The following TIPIN variants were observed in gnomAD, a reference collection of about 807,000 sequenced individuals.
TIPIN encodes the protein TIMELESS interacting protein.
In TIPIN, 29 loss-of-function variants were observed where a neutral mutation model predicts 35.6. That is an observed-to-expected ratio of 0.82 (90% confidence interval 0.61 to 1.11). The LOEUF (loss-of-function observed/expected upper bound fraction) is 1.11. Ranked by LOEUF, TIPIN falls within the 50% of genes most tolerant of loss-of-function variation. TIPIN has a pLI of 0.00. For synonymous variants in TIPIN, 102 were observed against 121.5 expected, an observed-to-expected ratio of 0.84 and a Z score of 1.06; for missense variants, 296 against 345.4, an observed-to-expected ratio of 0.86 and a Z score of 1.13.
intron 1 of TIPIN, among the ~76,000 whole-genome samples, chr15:66,382,469 G>A (rs577074814): frequency 2.3e-4 from 35 of 152,196 alleles, no homozygotes; most frequent in African/African-American, 7.2e-4. Context: ...CCTTGACTTC[G>A]GCTCAAGCGA....
At chr15:66,354,675 G>A (rs184280997) in intron 1 of TIPIN, among the ~76,000 whole-genome samples, 102 of 152,266 alleles carry the variant, frequency 6.7e-4, no homozygotes, top group Middle Eastern at 3.4e-3. Flanking sequence ...ACTACTCTAT[G>A]CTTTTTCTTT....
At chr15:66,356,215 C>T (rs918901211) in intron 1 of TIPIN, among the ~76,000 whole-genome samples, 1 of 152,132 alleles carries the variant, frequency 6.6e-6, no homozygotes, top group African/African-American at 2.4e-5. Context: ...CGATGTCCCC[C>T]TTGGGTGCCA....
At chr15:66,352,254 G>C in intron 2 of TIPIN, 47 bp from the exon 3 acceptor site, 1 of 1,373,176 alleles carries the variant, frequency 7.3e-7, no homozygotes, top group Non-Finnish European at 1.0e-6. Flanking sequence ...TAAATGATTT[G>C]TATTATTTAT....
intron 1 of TIPIN, among the ~76,000 whole-genome samples, chr15:66,384,905 G>A (rs1595827626): frequency 6.6e-6 from 1 of 151,808 alleles, no homozygotes; most frequent in South Asian, 2.1e-4. Flanking sequence ...AGAGCAAAAC[G>A]CCACTCAAAA....
chr15:66,381,036 T>G (rs1163808747), intron 1 of TIPIN, among the ~76,000 whole-genome samples: 2 of 152,232 alleles, frequency 1.3e-5, no homozygotes, highest in African/African-American at 4.8e-5. Context: ...TTCTTCTGTA[T>G]AGCTTTCATA....
At position 66,349,346 on chromosome 15, in the gene TIPIN, A is replaced by G; in HGVS notation, c.380T>C (p.Val127Ala). ...KLQFEDFIDR[V>A]EYLGSKKEVQ... ...TTCCTTTTTACTTCCCAGGTATTCA[A>G]CTCTGTCAATAAAATCCTCAAACTG... is the stretch of plus-strand genomic sequence containing the variant. The change falls in exon 5 of 8, where the codon GTT (valine) becomes GCT (alanine). Residue 127 changes from valine (V) to alanine (A), a missense_variant. Transcript: ENST00000261881. 3 of 1,613,938 alleles carry G rather than the reference A, an allele frequency of 1.9e-6. No individual in the cohort carries two copies. The highest frequency in any genetic ancestry group is 2.5e-6 in the Non-Finnish European group (3 of 1,180,010).
intron 4 of TIPIN, among the ~76,000 whole-genome samples, chr15:66,349,715 C>T (rs1435972691): frequency 6.6e-6 from 1 of 151,928 alleles, no homozygotes; most frequent in African/African-American, 2.4e-5. Context: ...CCCATATCTA[C>T]TAAAAATACA....
upstream of TIPIN, among the ~76,000 whole-genome samples, chr15:66,357,278 G>C (rs1566979411): frequency 6.6e-6 from 1 of 152,076 alleles, no homozygotes; most frequent in African/African-American, 2.4e-5. Context: ...TGTGGGAGGA[G>C]GAAAAAGGAC....
At position 66,374,023 on chromosome 15, in the gene TIPIN, A is replaced by C. The variant is rs577215119; in HGVS notation, c.-9+12584T>G. Among the ~76,000 whole-genome samples, 5 of 152,312 alleles carry C rather than the reference A, an allele frequency of 3.3e-5. No individual in the cohort carries two copies. The East Asian group carries it at 9.6e-4, about 29-fold the overall frequency. ...CAGCTTGTCTTTTTTCAATTTAGCCAGAATAGTGGACGTAGTATCACACTG... is the reference window on the plus strand; with the variant it reads ...CAGCTTGTCTTTTTTCAATTTAGCCCGAATAGTGGACGTAGTATCACACTG... On this transcript the variant is annotated intron_variant, in intron 1 of 7. Coordinates refer to the TIPIN transcript ENST00000562124.
intron 1 of TIPIN, among the ~76,000 whole-genome samples, chr15:66,354,279 A>G (rs2093189149): frequency 6.6e-6 from 1 of 152,232 alleles, no homozygotes; most frequent in African/African-American, 2.4e-5. Context: ...CAGCAGGTAC[A>G]AAACCAAACT....
upstream of TIPIN, chr15:66,356,813 G>T (rs914228267): frequency 8.4e-6 from 7 of 830,594 alleles, no homozygotes; most frequent in African/African-American, 5.5e-5. Context: ...CCAGCACGCC[G>T]GTCCCGCCTT....
At chr15:66,368,473 G>A (rs1026784182) in intron 1 of TIPIN, among the ~76,000 whole-genome samples, 1 of 152,106 alleles carries the variant, frequency 6.6e-6, no homozygotes, top group East Asian at 1.9e-4. Context: ...AGGCTGTAGT[G>A]AGCCATGATC....
Position 66,349,314 on chromosome 15 carries a change from C to A in TIPIN, c.411+1G>T. 6.2e-7 allele frequency: 1 copy of A among 1,613,092 alleles called. No individual in the cohort carries two copies. Among genetic ancestry groups the A allele is most frequent in the East Asian group, 2.2e-5 (1 of 44,872 alleles). On this transcript the variant is annotated splice_donor_variant, in intron 5 of 7. Transcript: ENST00000261881. LOFTEE classifies it high-confidence loss of function. Reference sequence around the variant, plus strand: ...ATATTTATAATCATCTCAACACTTACCTGAACTTCCTTTTTACTTCCCAGG... The same window carrying A: ...ATATTTATAATCATCTCAACACTTAACTGAACTTCCTTTTTACTTCCCAGG...
chr15:66,340,028 C>A (rs2093074093), intron 7 of TIPIN, among the ~76,000 whole-genome samples: 1 of 151,754 alleles, frequency 6.6e-6, no homozygotes, highest in African/African-American at 2.4e-5. Context: ...TACACACCAC[C>A]ATGCCCGGCA....
chr15:66,365,837 G>A (rs1344934876), intron 1 of TIPIN, among the ~76,000 whole-genome samples: 6 of 151,952 alleles, frequency 3.9e-5, no homozygotes, highest in African/African-American at 1.2e-4. Flanking sequence ...GAGCCACCGC[G>A]CCCAGCCTGC....
chr15:66,373,508 G>T (rs1269507386), intron 1 of TIPIN, among the ~76,000 whole-genome samples: 1 of 147,534 alleles, frequency 6.8e-6, no homozygotes, highest in African/African-American at 2.6e-5. Context: ...AAAAAAAAAA[G>T]GAAAAGAAAA....
intron 1 of TIPIN, among the ~76,000 whole-genome samples, chr15:66,378,626 T>C (rs1262972856): frequency 1.3e-5 from 2 of 152,184 alleles, no homozygotes; most frequent in Non-Finnish European, 2.9e-5. Flanking sequence ...AGTTTGTGTC[T>C]TTCTTCAAAT....
chr15:66,372,879 G>T (rs1208388058), intron 1 of TIPIN, among the ~76,000 whole-genome samples: 1 of 151,966 alleles, frequency 6.6e-6, no homozygotes, highest in South Asian at 2.1e-4. Flanking sequence ...TTCCAGCCTG[G>T]GTGACAGAGC....
upstream of TIPIN, among the ~76,000 whole-genome samples, chr15:66,359,468 T>G (rs1483661946): frequency 6.6e-6 from 1 of 151,962 alleles, no homozygotes; most frequent in Non-Finnish European, 1.5e-5. Context: ...CCTCAGCCAC[T>G]CGAATATCTG....
Sources: gnomAD v4.1 joint callset for allele counts (sites outside exome capture counted in the v4.1 genomes callset) on GRCh38, gnomAD v4.1.1 for gene constraint, MANE v1.5 for transcripts, NCBI Gene and HGNC (gene_info 2026-07-23, HGNC 2026-07-21) for gene names.